Variants in TMX2 observed in about 807,000 individuals in gnomAD.
TMX2 encodes thioredoxin related transmembrane protein 2.
Under a neutral mutation model 33.4 loss-of-function variants are expected in TMX2, and 20 were observed. The ratio of observed to expected loss-of-function variants is 0.60; its 90% confidence interval spans 0.42 to 0.87. TMX2 has a LOEUF of 0.87. TMX2 is among the 40% of genes least tolerant of loss of function. The pLI, the probability that TMX2 is intolerant of heterozygous loss-of-function variation, is 0.00. For synonymous variants in TMX2, 166 were observed against 140.7 expected, an observed-to-expected ratio of 1.18 and a Z score of -1.27; for missense variants, 340 against 370.7, an observed-to-expected ratio of 0.92 and a Z score of 0.68.
chr11:57,729,197 T>C (rs1177213201), intron 1 of TMX2, among the ~76,000 whole-genome samples: 2 of 152,162 alleles, frequency 1.3e-5, no homozygotes, highest in African/African-American at 4.8e-5. Flanking sequence ...GGGTCCTTCA[T>C]AGGTTTTATG....
rs759362250 is a variant in TMX2 at position 57,737,625 on chromosome 11, G to A, written c.207G>A (p.Leu69=). 6.2e-7 allele frequency: 1 copy of A among 1,614,090 alleles called. No individual in the cohort carries two copies. Among genetic ancestry groups the A allele is most frequent in the Non-Finnish European group, 8.5e-7 (1 of 1,179,936 alleles). Residue 69 remains leucine (L), a synonymous_variant, in exon 2 of 8, where the codon CTG becomes CTA. Transcript: ENST00000278422. ...TGTTCCAGAGAGAAGTGGAGATCCT[G>A]ATGTTTCTCAGTGCCATTGTGATGA... ...CDFDWREVEI[L]MFLSAIVMMK...
intron 7 of TMX2, 127 bp downstream of exon 7, chr11:57,739,387 G>A (rs1252083653): frequency 1.7e-5 from 15 of 873,910 alleles, no homozygotes; most frequent in Non-Finnish European, 2.5e-5. Flanking sequence ...CTAGTTACTA[G>A]ACCTCATGTT....
In TMX2 at chr11:57,739,274, A is replaced by T. The variant is rs781146475; in HGVS notation, c.744+14A>T. 3.7e-6 allele frequency: 6 copies of T among 1,614,080 alleles called. No homozygotes were observed. The Admixed American group carries it at 1.0e-4, about 27-fold the overall frequency. ...ACCTTCTCTGAGGTACCTGAAAGGA[A>T]GGGCAGGTGCATGAAGGGTGCAGAA... On this transcript the variant is annotated intron_variant, in intron 7 of 7. Transcript: ENST00000278422.
At position 57,740,774 on chromosome 11, in the gene TMX2, C is replaced by T. The variant is rs887233949; in HGVS notation, c.*529C>T. 6.5e-6 allele frequency: 1 copy of T among 152,798 alleles called. No individual in the cohort carries two copies. The highest frequency in any genetic ancestry group is 2.4e-5 in the African/African-American group (1 of 41,452). The allele number at this position is 152,798 out of a possible 1,614,324, so 9.5% of individuals were successfully genotyped here. The stretch of plus-strand genomic sequence containing the variant: ...AGTCCTAAGGAGAAACCTTTAACCA[C>T]AAAGTTTTTATCATTGAAGACAATA... On this transcript the variant is annotated 3_prime_UTR_variant, in exon 8 of 8. Transcript: ENST00000278422.
At chr11:57,736,109 G>A (rs1186580360) in intron 1 of TMX2, among the ~76,000 whole-genome samples, 2 of 152,130 alleles carry the variant, frequency 1.3e-5, no homozygotes, top group East Asian at 3.8e-4. Context: ...CAGTTTTCAA[G>A]GTTTCTCTGG....
chr11:57,732,444 T>C (rs1287543090), intron 1 of TMX2, among the ~76,000 whole-genome samples: 1 of 152,230 alleles, frequency 6.6e-6, no homozygotes, highest in Admixed American at 6.5e-5. Context: ...TCATTTGATA[T>C]TTGATGCCAC....
intron 1 of TMX2, among the ~76,000 whole-genome samples, chr11:57,728,477 C>T (rs965510654): frequency 6.6e-6 from 1 of 152,114 alleles, no homozygotes; most frequent in Non-Finnish European, 1.5e-5. Context: ...AGCAGGGGCC[C>T]ATTGAAGCCC....
chr11:57,716,636 C>T (rs1181615814), intron 1 of TMX2, among the ~76,000 whole-genome samples: 35 of 138,098 alleles, frequency 2.5e-4, no homozygotes, highest in African/African-American at 7.9e-4. Context: ...ACCTCCCTCC[C>T]GGACGGGGCG....
intron 1 of TMX2, among the ~76,000 whole-genome samples, chr11:57,733,501 C>T (rs892684608): frequency 1.3e-5 from 2 of 151,956 alleles, no homozygotes; most frequent in Non-Finnish European, 2.9e-5. Context: ...AGGTGATCCA[C>T]CCGCCTCGGC....
At chr11:57,721,934 A>G (rs920333878) in intron 1 of TMX2, among the ~76,000 whole-genome samples, 1 of 152,152 alleles carries the variant, frequency 6.6e-6, no homozygotes, top group Non-Finnish European at 1.5e-5. Context: ...TAACCAGGCA[A>G]TAAGAGTTGA....
intron 1 of TMX2, among the ~76,000 whole-genome samples, chr11:57,732,438 T>C (rs916620586): frequency 6.6e-6 from 1 of 152,208 alleles, no homozygotes; most frequent in Non-Finnish European, 1.5e-5. Flanking sequence ...GATCTTTCAT[T>C]TGATATTTGA....
chr11:57,716,520 G>A (rs1947063960), intron 1 of TMX2, among the ~76,000 whole-genome samples: 1 of 128,418 alleles, frequency 7.8e-6, no homozygotes, highest in Non-Finnish European at 1.7e-5. Flanking sequence ...GGGCGGCCGG[G>A]CAGAGGCGCC....
intron 1 of TMX2, among the ~76,000 whole-genome samples, chr11:57,716,745 GC>G (rs1167125745): frequency 6.7e-6 from 1 of 148,482 alleles, no homozygotes; most frequent in Non-Finnish European, 1.5e-5. Flanking sequence ...GGACGGGGTG[GC>G]TGGCCAGGCA....
At chr11:57,729,213 T>G (rs1279968048) in intron 1 of TMX2, among the ~76,000 whole-genome samples, 2 of 152,192 alleles carry the variant, frequency 1.3e-5, no homozygotes, top group African/African-American at 2.4e-5. Context: ...TTATGGCACC[T>G]CTACTTGCCA....
At chr11:57,718,457 G>T in intron 1 of TMX2, 1 of 1,087,454 alleles carries the variant, frequency 9.2e-7, no homozygotes, top group Non-Finnish European at 1.4e-6. Context: ...AACCTTGTCT[G>T]CAAACAGCTC....
intron 1 of TMX2, among the ~76,000 whole-genome samples, chr11:57,722,382 C>T (rs375835498): frequency 6.6e-6 from 1 of 151,340 alleles, no homozygotes; most frequent in African/African-American, 2.5e-5. Context: ...TCACTGCACC[C>T]GGCCCTCTTT....
intron 3 of TMX2, 143 bp downstream of exon 3, chr11:57,738,169 T>C: frequency 6.7e-6 from 5 of 748,502 alleles, no homozygotes; most frequent in Non-Finnish European, 8.9e-6. Flanking sequence ...TAATGAATTA[T>C]ATATGTAGCT....
At chr11:57,717,159 G>A (rs1196944126) in intron 1 of TMX2, among the ~76,000 whole-genome samples, 3 of 151,900 alleles carry the variant, frequency 2.0e-5, no homozygotes, top group Admixed American at 6.6e-5. Context: ...GCTGGGAAGA[G>A]GCGCTCCTCA....
chr11:57,712,876 C>A, intron 1 of TMX2, 69 bp downstream of exon 1: 1 of 1,574,020 alleles, frequency 6.4e-7, no homozygotes, highest in Non-Finnish European at 8.7e-7. Context: ...ATCTGGGAAC[C>A]CTGGGGTTTA....
Sources: allele counts gnomAD v4.1 joint callset (sites outside exome capture counted in the v4.1 genomes callset), GRCh38; gene constraint gnomAD v4.1.1; transcripts MANE v1.5; gene names NCBI Gene and HGNC (gene_info 2026-07-23, HGNC 2026-07-21).